The following EPG5 variants were observed in gnomAD, a reference collection of about 807,000 sequenced individuals.
EPG5 encodes the protein ectopic P-granules 5 autophagy tethering factor, also known as ectopic P granules protein 5 homolog.
EPG5 carries 159 observed loss-of-function variants against 302.7 expected under a neutral mutation model. The observed-to-expected ratio is 0.53, with a 90% CI of 0.46 to 0.60. The LOEUF (loss-of-function observed/expected upper bound fraction) is 0.60. Ranked by LOEUF, EPG5 falls within the 20% of genes least tolerant of loss-of-function variation. The pLI is 0.00. For missense variants in EPG5, 2,896 were observed against 3,092.4 expected (o/e 0.94, Z 1.51); for synonymous variants, 1,158 against 1,136.8 (o/e 1.02, Z -0.37).
Position 45,876,303 on chromosome 18 carries a change from A to G in EPG5, c.5982T>C (p.Thr1994=). The G allele has an allele frequency of 6.2e-7, 1 of 1,614,116 alleles. No homozygotes were observed. The highest frequency in any genetic ancestry group is 8.5e-7 in the Non-Finnish European group (1 of 1,179,984). ...GCTGCACAATGCTTGAGGCCACCAC[A>G]GTATCACTCTCTAGCCAGGGGTAAT... ...QRHYPWLESD[T]VVASSIVQLF... is the part of the protein sequence containing the mutation. Residue 1994 remains threonine (T), a synonymous_variant, in exon 35 of 44, where the codon ACT becomes ACC. Transcript: ENST00000282041.
intron 23 of EPG5, among the ~76,000 whole-genome samples, chr18:45,910,152 AT>A (rs971018636): frequency 4.7e-5 from 7 of 149,924 alleles, no homozygotes; most frequent in South Asian, 4.2e-4. Flanking sequence ...GGCTTGGCTA[AT>A]TTTTTTTTTA....
the EPG5 span, among the ~76,000 whole-genome samples, chr18:45,826,445 C>T: frequency 3.3e-5 from 5 of 152,218 alleles, no homozygotes; most frequent in African/African-American, 9.7e-5. Context: ...TCTTTGGCTC[C>T]ACCCCAGACC....
At chr18:45,826,212 A>G in the EPG5 span, among the ~76,000 whole-genome samples, 1 of 151,820 alleles carries the variant, frequency 6.6e-6, no homozygotes, top group African/African-American at 2.4e-5. Context: ...GTGCTGATGC[A>G]TGGGAGGGGG....
the EPG5 span, among the ~76,000 whole-genome samples, chr18:45,818,517 G>A: frequency 6.6e-6 from 1 of 152,036 alleles, no homozygotes; most frequent in African/African-American, 2.4e-5. Flanking sequence ...AGTCTGATAG[G>A]TGAAACAGGT....
At chr18:45,825,781 G>T in the EPG5 span, 1 of 1,614,232 alleles carries the variant, frequency 6.2e-7, no homozygotes, top group East Asian at 2.2e-5. Flanking sequence ...CTCCCGACAG[G>T]TGAGTGTCTG....
chr18:45,964,097 T>A (rs901625131), intron 1 of EPG5, among the ~76,000 whole-genome samples: 1 of 152,220 alleles, frequency 6.6e-6, no homozygotes, highest in Non-Finnish European at 1.5e-5. Flanking sequence ...TATGTTTGTA[T>A]AGGAAAGTTG....
At chr18:45,919,480 C>T (rs1203480656) in intron 16 of EPG5, among the ~76,000 whole-genome samples, 1 of 151,338 alleles carries the variant, frequency 6.6e-6, no homozygotes, top group African/African-American at 2.4e-5. Flanking sequence ...AAGAGAATCA[C>T]GTCAGACACT....
rs1318321871 is a variant in EPG5 at position 45,878,580 on chromosome 18, C to T, written c.5870-132G>A. 6 of 622,650 alleles carry T rather than the reference C, an allele frequency of 9.6e-6. No homozygotes were observed. The East Asian group carries it at 1.6e-4, about 17-fold the overall frequency. 38.6% of individuals were successfully genotyped at this position (622,650 alleles called of 1,614,324 possible). A position where few individuals can be genotyped will look rare whatever the true frequency, so the allele number is the denominator to read the frequency against. On this transcript the variant is annotated intron_variant, in intron 33 of 43. Transcript: ENST00000282041. ...CCTATGTTAATGTATAAACAACATG[C>T]TTAGTGTAACTATGTATGTTTACGT...
In EPG5 at chr18:45,889,854, A is replaced by G; in HGVS notation, c.4896T>C (p.Ala1632=). The part of the protein sequence containing the change: ...KEVKQLQAEA[A]KPPSLNIVEA... Reference sequence around the variant, plus strand: ...CCACAATATTAAGTGATGGTGGTTTAGCAGCTTCTGCTTGCAACTGCTTCA... The same window carrying G: ...CCACAATATTAAGTGATGGTGGTTTGGCAGCTTCTGCTTGCAACTGCTTCA... Residue 1632 remains alanine (A), a synonymous_variant, in exon 28 of 44, where the codon GCT becomes GCC. Transcript: ENST00000282041. 1 of 1,612,748 alleles carries G rather than the reference A, an allele frequency of 6.2e-7. No individual in the cohort carries two copies. Among genetic ancestry groups the G allele is most frequent in the East Asian group, 2.2e-5 (1 of 44,846 alleles).
chr18:45,913,111 GA>G (rs1395030041), intron 21 of EPG5, among the ~76,000 whole-genome samples: 15 of 150,546 alleles, frequency 1.0e-4, no homozygotes, highest in Non-Finnish European at 1.8e-4. Flanking sequence ...AAAAGAAAAA[GA>G]AAAAAAGAAA....
In EPG5 at chr18:45,915,520, C is replaced by G. The variant is rs1278860724; in HGVS notation, c.3684G>C (p.Thr1228=). The G allele has an allele frequency of 1.2e-6, 2 of 1,611,928 alleles. No homozygotes were observed. The highest frequency in any genetic ancestry group is 1.1e-5 in the South Asian group (1 of 91,022). The change falls in exon 20 of 44, where the codon ACG becomes ACC. Residue 1228 remains threonine, a synonymous_variant. Coordinates refer to ENST00000282041, the MANE Select transcript of EPG5 (RefSeq NM_020964.3). ...TCAGTGAGTTTCCTACCTGAGTGGG[C>G]GTGGCCAAGCCCTCCACAAAGGAAG... ...ITPSFVEGLA[T]PTQVWFAWTV... is the part of the protein sequence containing the mutation.
chr18:45,940,362 G>T (rs2050636123), intron 9 of EPG5, among the ~76,000 whole-genome samples: 1 of 152,202 alleles, frequency 6.6e-6, no homozygotes, highest in Admixed American at 6.5e-5. Context: ...GTGCAGTGGG[G>T]AGCACAGTAG....
the EPG5 span, among the ~76,000 whole-genome samples, chr18:45,800,755 T>A: frequency 6.6e-6 from 1 of 152,146 alleles, no homozygotes; most frequent in Non-Finnish European, 1.5e-5. Flanking sequence ...GGGAATCACA[T>A]GATGATCCTG....
At chr18:45,861,606 GAT>G (rs1404552481) in intron 39 of EPG5, among the ~76,000 whole-genome samples, 1 of 152,194 alleles carries the variant, frequency 6.6e-6, no homozygotes, top group Non-Finnish European at 1.5e-5. Flanking sequence ...ATTGCTTGCT[GAT>G]AGTTTTTTTC....
Position 45,884,650 on chromosome 18 carries a change from G to A in EPG5, c.5271C>T (p.Asp1757=). 1 of 1,608,748 alleles carries A rather than the reference G, an allele frequency of 6.2e-7. No homozygotes were observed. Among genetic ancestry groups the A allele is most frequent in the Non-Finnish European group, 8.5e-7 (1 of 1,178,398 alleles). The change falls in exon 30 of 44, where the codon GAC becomes GAT. Residue 1757 remains aspartate, a synonymous_variant. Transcript: ENST00000282041. ...YEQVVKFLSE[D]NSDMIFMLLT... ...GCAGCATGAAAATCATATCACTGTT[G>A]TCCTCACTTAGAAACTTCACCACTT...
rs529047640 is a variant in EPG5, at chr18:45,940,061, G to T, written c.1944-306C>A. Among the ~76,000 whole-genome samples, 17 of 152,244 alleles carry T rather than the reference G, an allele frequency of 1.1e-4. No homozygotes were observed. In the South Asian group the frequency reaches 1.7e-3, roughly 15 times the overall value. ...AATAAAGTATGTCTGGAGGTGGAGG[G>T]GTGGGCAGGATAAGGAGGTGGGTTG... On this transcript the variant is annotated intron_variant, in intron 9 of 43. Transcript: ENST00000282041.
At chr18:45,922,147 T>G (rs1324750084) in intron 16 of EPG5, among the ~76,000 whole-genome samples, 194 bp downstream of exon 16, 1 of 152,188 alleles carries the variant, frequency 6.6e-6, no homozygotes, top group African/African-American at 2.4e-5. Context: ...TTTAGGTGAC[T>G]TGCTTGTACA....
intron 4 of EPG5, among the ~76,000 whole-genome samples, chr18:45,949,987 C>T (rs979106059): frequency 1.3e-5 from 2 of 152,152 alleles, no homozygotes; most frequent in African/African-American, 4.8e-5. Context: ...ACCAAGGCAG[C>T]CCCACTGAAA....
At chr18:45,946,376 C>G (rs1012491968) in intron 7 of EPG5, among the ~76,000 whole-genome samples, 1 of 152,090 alleles carries the variant, frequency 6.6e-6, no homozygotes, top group African/African-American at 2.4e-5. Flanking sequence ...CCAAATTCTC[C>G]CAGCTGAACA....
Sources: gnomAD v4.1 joint callset for allele counts (sites outside exome capture counted in the v4.1 genomes callset) on GRCh38, gnomAD v4.1.1 for gene constraint, MANE v1.5 for transcripts, NCBI Gene and HGNC (gene_info 2026-07-23, HGNC 2026-07-21) for gene names.